PRR16: variants seen among roughly 807,000 people sequenced by gnomAD.
PRR16 encodes the protein proline rich 16.
PRR16 carries 6 observed loss-of-function variants against 18.2 expected under a neutral mutation model. The ratio of observed to expected loss-of-function variants is 0.33; its 90% CI spans 0.18 to 0.65. The LOEUF (loss-of-function observed/expected upper bound fraction) is 0.65. Among genes scored for constraint, PRR16 ranks in the 30% least tolerant of loss-of-function variants. The pLI is 0.74. For missense variants in PRR16, 412 were observed against 376.6 expected, an observed-to-expected ratio of 1.09 and a Z score of -0.78; for synonymous variants, 151 against 147.8, an observed-to-expected ratio of 1.02 and a Z score of -0.16.
At chr5:120,564,695 A>T (rs867998333) in intron 1 of PRR16, among the ~76,000 whole-genome samples, 14 of 152,110 alleles carry the variant, frequency 9.2e-5, no homozygotes, top group Admixed American at 2.6e-4. Context: ...TGAAGTTAAA[A>T]CCAGGTACTG....
chr5:120,586,184 AT>A (rs940929872), intron 1 of PRR16, among the ~76,000 whole-genome samples: 1 of 151,718 alleles, frequency 6.6e-6, no homozygotes, highest in African/African-American at 2.4e-5. Flanking sequence ...AAAAAAAAAA[AT>A]ATGTTTTTGA....
At chr5:120,653,173 G>C (rs1561595820) in intron 1 of PRR16, among the ~76,000 whole-genome samples, 1 of 151,840 alleles carries the variant, frequency 6.6e-6, no homozygotes, top group African/African-American at 2.4e-5. Flanking sequence ...GGTGTTTTCT[G>C]GGAGGGCCTG....
chr5:120,507,047 A>G (rs1324192808), intron 1 of PRR16, among the ~76,000 whole-genome samples: 1 of 152,110 alleles, frequency 6.6e-6, no homozygotes, highest in Non-Finnish European at 1.5e-5. Flanking sequence ...TACCAGTGGT[A>G]ATACCAGGCT....
rs748964315 is a variant in PRR16 at position 120,686,303 on chromosome 5, A to G, written c.509A>G (p.Asp170Gly). 19 of 1,613,994 alleles carry G rather than the reference A, an allele frequency of 1.2e-5. No individual in the cohort carries two copies. The East Asian group carries it at 4.0e-4, about 34-fold the overall frequency. ...PGGPNKIPNG[D>G]ICCIPNSNLD... ...GGACCTAACAAAATTCCAAATGGAGATATCTGCTGCATACCCAACAGTAAC... is the reference window on the plus strand; with the variant it reads ...GGACCTAACAAAATTCCAAATGGAGGTATCTGCTGCATACCCAACAGTAAC... Residue 170 changes from aspartate to glycine, a missense_variant, in exon 2 of 2, where the codon GAT (aspartate) becomes GGT (glycine). By Grantham distance (94) the Asp-to-Gly change is moderately conservative. Transcript: ENST00000407149.
chr5:120,791,528 C>G, the PRR16 span, among the ~76,000 whole-genome samples: 9 of 151,874 alleles, frequency 5.9e-5, no homozygotes, highest in Admixed American at 5.9e-4. Context: ...AAAAAAAGGT[C>G]ACTAATCCTA....
intron 1 of PRR16, among the ~76,000 whole-genome samples, chr5:120,566,746 C>T (rs546087949): frequency 1.3e-5 from 2 of 152,156 alleles, no homozygotes; most frequent in African/African-American, 4.8e-5. Context: ...TCTTTTCTCT[C>T]AATGTCCATG....
chr5:120,638,287 A>G (rs1755306357), intron 1 of PRR16, among the ~76,000 whole-genome samples: 2 of 152,118 alleles, frequency 1.3e-5, no homozygotes, highest in Admixed American at 1.3e-4. Flanking sequence ...TGCCCAACCT[A>G]TATAGAAATG....
chr5:120,781,747 T>G, the PRR16 span, among the ~76,000 whole-genome samples: 1 of 152,178 alleles, frequency 6.6e-6, no homozygotes, highest in Non-Finnish European at 1.5e-5. Context: ...AAAAGCAGTT[T>G]TTTTCTTGTG....
At chr5:120,623,565 A>G (rs1298212941) in intron 1 of PRR16, among the ~76,000 whole-genome samples, 1 of 152,164 alleles carries the variant, frequency 6.6e-6, no homozygotes, top group Non-Finnish European at 1.5e-5. Flanking sequence ...TGAGCATTAC[A>G]TATGGAAATG....
At chr5:120,764,034 G>A in the PRR16 span, among the ~76,000 whole-genome samples, 3 of 152,024 alleles carry the variant, frequency 2.0e-5, no homozygotes, top group African/African-American at 4.8e-5. Flanking sequence ...ACGTTTATAA[G>A]TTTAGAGAAC....
downstream of PRR16, among the ~76,000 whole-genome samples, chr5:120,688,827 C>G (rs1757176972): frequency 6.6e-6 from 1 of 152,260 alleles, no homozygotes; most frequent in Middle Eastern, 3.4e-3. Context: ...TGCGATAAAG[C>G]AAGATGAATA....
intron 1 of PRR16, among the ~76,000 whole-genome samples, chr5:120,473,096 A>C (rs1561504479): frequency 6.6e-6 from 1 of 152,184 alleles, no homozygotes; most frequent in Non-Finnish European, 1.5e-5. Flanking sequence ...TATATGAATA[A>C]GCTTAGTGAT....
At chr5:120,629,402 G>A (rs1316980141) in intron 1 of PRR16, among the ~76,000 whole-genome samples, 1 of 151,922 alleles carries the variant, frequency 6.6e-6, no homozygotes, top group African/African-American at 2.4e-5. Context: ...TGATTTCTGA[G>A]CATTATTTCT....
intron 1 of PRR16, among the ~76,000 whole-genome samples, chr5:120,477,655 C>T (rs974060461): frequency 3.3e-5 from 5 of 152,148 alleles, no homozygotes; most frequent in African/African-American, 9.7e-5. Flanking sequence ...CTTTTCAGAT[C>T]CCTGTAGCAG....
intron 1 of PRR16, among the ~76,000 whole-genome samples, chr5:120,560,362 A>G (rs759829847): frequency 6.6e-6 from 1 of 151,872 alleles, no homozygotes; most frequent in African/African-American, 2.4e-5. Flanking sequence ...GTTAAATTTT[A>G]TAAAATGTTT....
intron 1 of PRR16, among the ~76,000 whole-genome samples, chr5:120,680,928 C>A (rs1009467571): frequency 6.6e-6 from 1 of 152,054 alleles, no homozygotes; most frequent in East Asian, 1.9e-4. Flanking sequence ...TATTTATTCA[C>A]CTAAGTTGGT....
the PRR16 span, among the ~76,000 whole-genome samples, chr5:120,705,238 AATT>A: frequency 6.6e-6 from 1 of 152,088 alleles, no homozygotes; most frequent in Non-Finnish European, 1.5e-5. Context: ...ATTATATGAA[AATT>A]ATTCATTTAT....
At chr5:120,666,091 C>A (rs1756366127) in intron 1 of PRR16, among the ~76,000 whole-genome samples, 1 of 152,172 alleles carries the variant, frequency 6.6e-6, no homozygotes, top group Non-Finnish European at 1.5e-5. Flanking sequence ...TACCCATGAG[C>A]ATGGAATGTT....
intron 1 of PRR16, among the ~76,000 whole-genome samples, chr5:120,580,995 G>T (rs1038259431): frequency 6.6e-6 from 1 of 152,074 alleles, no homozygotes; most frequent in East Asian, 1.9e-4. Flanking sequence ...TTGTGTGTGT[G>T]TTTCTTCCCA....
Sources: gnomAD v4.1 joint callset for allele counts (sites outside exome capture counted in the v4.1 genomes callset) on GRCh38, gnomAD v4.1.1 for gene constraint, MANE v1.5 for transcripts, NCBI Gene and HGNC (gene_info 2026-07-23, HGNC 2026-07-21) for gene names.